SLC18A2: variants seen among roughly 807,000 people sequenced by gnomAD.
The protein encoded by SLC18A2 is solute carrier family 18 member A2, also known as synaptic vesicular amine transporter.
In SLC18A2, 33 loss-of-function variants were observed where a neutral mutation model predicts 59.2. The observed-to-expected ratio is 0.56, with a 90% confidence interval of 0.42 to 0.75. SLC18A2 has a LOEUF of 0.75. Ranked by LOEUF, SLC18A2 falls within the 30% of genes least tolerant of loss-of-function variation. SLC18A2 has a pLI of 0.00. For missense variants in SLC18A2, 569 were observed against 668.6 expected (o/e 0.85, Z 1.64); for synonymous variants, 228 against 253.5 (o/e 0.90, Z 0.95).
chr10:117,253,929 C>T (rs1176543837), intron 4 of SLC18A2, 119 bp from the exon 5 acceptor site: 31 of 855,258 alleles, frequency 3.6e-5, no homozygotes, highest in Non-Finnish European at 5.9e-5. Context: ...AACAAAAGCA[C>T]AGGGTGGCTA....
intron 13 of SLC18A2, 52 bp from the exon 14 acceptor site, chr10:117,270,019 A>G (rs1844406904): frequency 6.2e-7 from 1 of 1,603,906 alleles, no homozygotes; most frequent in Non-Finnish European, 8.5e-7. Flanking sequence ...TATTCGGCCC[A>G]TTTTGGGTTT....
chr10:117,276,457 CA>C (rs916320164), intron 15 of SLC18A2, among the ~76,000 whole-genome samples: 2 of 150,740 alleles, frequency 1.3e-5, no homozygotes, highest in African/African-American at 4.9e-5. Flanking sequence ...ACTAGAAATA[CA>C]AAAAAAGTAG....
Position 117,277,998 on chromosome 10 carries a change from C to T in SLC18A2, c.*732C>T, listed in dbSNP as rs751862317. 1 of 152,192 alleles carries T rather than the reference C, an allele frequency of 6.6e-6. No individual in the cohort carries two copies. The highest frequency in any genetic ancestry group is 1.5e-5 in the Non-Finnish European group (1 of 68,022). 9.4% of individuals were successfully genotyped at this position (152,192 alleles called of 1,614,324 possible). On this transcript the variant is annotated 3_prime_UTR_variant, in exon 16 of 16. Coordinates refer to ENST00000644641, the MANE Select transcript of SLC18A2 (RefSeq NM_003054.6). ...CCGAAAGCAGAGAAAAGCAACCAAACATATTGTTATGAACTAAAAGCTTTC... is the reference window on the plus strand; with the variant it reads ...CCGAAAGCAGAGAAAAGCAACCAAATATATTGTTATGAACTAAAAGCTTTC...
intron 7 of SLC18A2, 42 bp downstream of exon 7, chr10:117,255,408 C>T (rs1844217360): frequency 3.1e-6 from 5 of 1,612,984 alleles, no homozygotes; most frequent in Non-Finnish European, 4.2e-6. Context: ...ACCTTGGCAT[C>T]GTGCTGGCAC....
chr10:117,265,659 G>A (rs547068314), intron 10 of SLC18A2, among the ~76,000 whole-genome samples: 1 of 152,112 alleles, frequency 6.6e-6, no homozygotes, highest in Admixed American at 6.5e-5. Context: ...AGCCAAGCTG[G>A]GTCTGATAAT....
intron 2 of SLC18A2, among the ~76,000 whole-genome samples, chr10:117,242,447 A>C (rs1052119574): frequency 2.0e-5 from 3 of 152,182 alleles, no homozygotes; most frequent in African/African-American, 7.2e-5. Context: ...TTAAAAAAAA[A>C]AATCCCAGTT....
In SLC18A2 at chr10:117,254,580, G is replaced by C. The variant is rs363416; in HGVS notation, c.700+83G>C. Reference sequence around the variant, plus strand: ...GCGGCAGTCCTCGCCCAGTGACCCTGGCGCAGTTTGCACTGACACAGAGGT... The same window carrying C: ...GCGGCAGTCCTCGCCCAGTGACCCTCGCGCAGTTTGCACTGACACAGAGGT... On this transcript the variant is annotated intron_variant, in intron 6 of 15. Coordinates refer to ENST00000644641, the MANE Select transcript of SLC18A2 (RefSeq NM_003054.6). 1.0e-3 allele frequency: 974 copies of C among 942,120 alleles called. 4 individuals carry two copies. In the African/African-American group the frequency reaches 0.014, roughly 14 times the overall value. The allele number at this position is 942,120 out of a possible 1,614,324, so 58.4% of individuals were successfully genotyped here. A position where few individuals can be genotyped will look rare whatever the true frequency, so the allele number is the denominator to read the frequency against.
intron 2 of SLC18A2, among the ~76,000 whole-genome samples, chr10:117,242,091 C>T (rs1440868149): frequency 1.3e-5 from 2 of 152,210 alleles, no homozygotes; most frequent in Non-Finnish European, 2.9e-5. Context: ...CATCCTCTTG[C>T]CTGCTTTCAC....
rs1438049342 is a variant in SLC18A2 at position 117,244,153 on chromosome 10, G to A, written c.304G>A (p.Ala102Thr). 5.0e-6 allele frequency: 8 copies of A among 1,614,026 alleles called. No homozygotes were observed. Among genetic ancestry groups the A allele is most frequent in the South Asian group, 3.3e-5 (3 of 91,084 alleles). ...ATRDLTLHQT[A>T]TQHMVTNASA... ...CAGAGACCTGACACTTCATCAGACC[G>A]CCACACAGCACATGGTGACCAACGC... The change falls in exon 3 of 16, where the codon GCC (alanine) becomes ACC (threonine). Residue 102 changes from alanine to threonine, a missense_variant. Around this residue, in one of 2 missense-constraint regions of SLC18A2, gnomAD observed 377 missense variants for 389.8 expected, o/e 0.97. Transcript: ENST00000644641.
At chr10:117,263,471 G>C (rs547324703) in intron 10 of SLC18A2, among the ~76,000 whole-genome samples, 5 of 152,302 alleles carry the variant, frequency 3.3e-5, no homozygotes, top group African/African-American at 1.2e-4. Flanking sequence ...ACACAGGATT[G>C]CTCTTGCTGA....
At chr10:117,266,390 C>G (rs1176101751) in intron 10 of SLC18A2, among the ~76,000 whole-genome samples, 2 of 152,194 alleles carry the variant, frequency 1.3e-5, no homozygotes, top group East Asian at 3.9e-4. Flanking sequence ...TTACTTCTGT[C>G]GGATGAAATC....
At chr10:117,264,919 G>T (rs940130713) in intron 10 of SLC18A2, among the ~76,000 whole-genome samples, 3 of 152,124 alleles carry the variant, frequency 2.0e-5, no homozygotes, top group Non-Finnish European at 2.9e-5. Flanking sequence ...TGACACCTGT[G>T]TTTTTGTTAT....
chr10:117,258,412 CTG>C (rs1339475789), intron 10 of SLC18A2, among the ~76,000 whole-genome samples: 3 of 152,224 alleles, frequency 2.0e-5, no homozygotes, highest in African/African-American at 7.2e-5. Context: ...CTAGATGGTT[CTG>C]TGTTTACCAC....
chr10:117,272,928 GA>G (rs1260866310), intron 15 of SLC18A2, among the ~76,000 whole-genome samples: 1 of 152,196 alleles, frequency 6.6e-6, no homozygotes, highest in Admixed American at 6.5e-5. Flanking sequence ...GGAGGAGGAA[GA>G]ATCAATGACC....
chr10:117,276,860 A>G (rs921360960), intron 15 of SLC18A2, among the ~76,000 whole-genome samples: 3 of 152,250 alleles, frequency 2.0e-5, no homozygotes, highest in Non-Finnish European at 2.9e-5. Flanking sequence ...TCTAAGTATA[A>G]CAAACCTAAC....
At position 117,277,261 on chromosome 10, in the gene SLC18A2, G is replaced by C. The variant is rs1844510521; in HGVS notation, c.1540G>C (p.Asp514His). 6.4e-7 allele frequency: 1 copy of C among 1,572,548 alleles called. No homozygotes were observed. The highest frequency in any genetic ancestry group is 1.4e-5 in the African/African-American group (1 of 73,922). ...PIGEDEESES[D>H] ...AGGTGAAGATGAAGAATCTGAAAGT[G>C]ACTGAGATGAGATCCTCAAAAATCA... Residue 514 changes from aspartate to histidine, a missense_variant, in exon 16 of 16, where the codon GAC becomes CAC. Asp to His is a moderately conservative substitution (Grantham distance 81). This residue lies in a region of SLC18A2 where 192 missense variants were observed against 278.8 expected (regional missense o/e 0.69). Coordinates refer to ENST00000644641, the MANE Select transcript of SLC18A2 (RefSeq NM_003054.6).
chr10:117,241,810 C>A lies in SLC18A2; in HGVS notation c.117C>A (p.Val39=), dbSNP rs781006451. ...ALLLDNMLLT[V]VVPIIPSYLY... ...TGCTGGACAACATGCTGCTCACTGT[C>A]GTGGGTACGTGCGGACAGGGCACCC... The change falls in exon 2 of 16, where the codon GTC becomes GTA. Residue 39 remains valine (V), a synonymous_variant. Transcript: ENST00000644641. 7.5e-6 allele frequency: 12 copies of A among 1,605,002 alleles called. No individual in the cohort carries two copies. Among genetic ancestry groups the A allele is most frequent in the Non-Finnish European group, 1.0e-5 (12 of 1,176,684 alleles).
Position 117,277,819 on chromosome 10 carries a change from G to A in SLC18A2, c.*553G>A, listed in dbSNP as rs907648657. ...TAGTTCTCTCAAGTGTAGAGGACAA[G>A]AACTTGTGTCAGTTATCTTTTGAAT... is the stretch of plus-strand genomic sequence containing the variant. On this transcript the variant is annotated 3_prime_UTR_variant, in exon 16 of 16. Transcript: ENST00000644641. 10 of 152,158 alleles carry A rather than the reference G, an allele frequency of 6.6e-5. No homozygotes were observed. Among genetic ancestry groups the A allele is most frequent in the African/African-American group, 2.2e-4 (9 of 41,430 alleles). The allele number at this position is 152,158 out of a possible 1,614,324, so 9.4% of individuals were successfully genotyped here. A position where few individuals can be genotyped will look rare whatever the true frequency, so the allele number is the denominator to read the frequency against.
chr10:117,241,644 C>A lies in SLC18A2; in HGVS notation c.-15-35C>A, dbSNP rs371832657. On this transcript the variant is annotated intron_variant, in intron 1 of 15. Transcript: ENST00000644641. ...GGACGGGAGAATGGGGGGTCCACGGCCGCCTTGGGTCCTCACCGCGCACCG... is the reference window on the plus strand; with the variant it reads ...GGACGGGAGAATGGGGGGTCCACGGACGCCTTGGGTCCTCACCGCGCACCG... 2.0e-5 allele frequency: 30 copies of A among 1,512,090 alleles called. No individual in the cohort carries two copies. The African/African-American group carries it at 4.0e-4, about 20-fold the overall frequency. 93.7% of individuals were successfully genotyped at this position (1,512,090 alleles called of 1,614,324 possible). A position where few individuals can be genotyped will look rare whatever the true frequency, so the allele number is the denominator to read the frequency against.
Sources: gnomAD v4.1 joint callset for allele counts (sites outside exome capture counted in the v4.1 genomes callset) on GRCh38, gnomAD v4.1.1 for gene constraint, gnomAD v4.1.1 regional missense constraint, MANE v1.5 for transcripts, NCBI Gene and HGNC (gene_info 2026-07-23, HGNC 2026-07-21) for gene names.